Variants in SEC23A observed in about 807,000 individuals in gnomAD.
SEC23A encodes the protein SEC23 homolog A, COPII component, also known as protein transport protein Sec23A.
In SEC23A, 56 loss-of-function variants were observed where a neutral mutation model predicts 103.7. That is an observed-to-expected ratio of 0.54 (90% CI 0.44 to 0.67). The LOEUF (loss-of-function observed/expected upper bound fraction) is 0.67. Ranked by LOEUF, SEC23A falls within the 30% of genes least tolerant of loss-of-function variation. SEC23A has a pLI of 0.00. For synonymous variants in SEC23A, 281 were observed against 293.0 expected, an observed-to-expected ratio of 0.96 and a Z score of 0.42; for missense variants, 784 against 936.4, an observed-to-expected ratio of 0.84 and a Z score of 2.12.
intron 5 of SEC23A, among the ~76,000 whole-genome samples, chr14:39,089,089 G>A (rs776546050): frequency 4.0e-5 from 6 of 148,648 alleles, no homozygotes; most frequent in Non-Finnish European, 5.9e-5. Flanking sequence ...CAGGAGAATC[G>A]CTCGAACTAA....
rs1340169141 is a variant in SEC23A, at chr14:39,045,272, G to A, written c.1790C>T (p.Pro597Leu). ...GTGACGATAATATGAACTCTCATCA[G>A]GACTATTGTTAAAAACTTGCAGGAA... is the stretch of plus-strand genomic sequence containing the variant. ...SSFLQVFNNS[P>L]DESSYYRHHF... Residue 597 changes from proline (P) to leucine (L), a missense_variant, in exon 16 of 20, where the codon CCT becomes CTT. Physicochemically the swap from Pro to Leu is moderately conservative, Grantham distance 98. Coordinates refer to ENST00000307712, the MANE Select transcript of SEC23A (RefSeq NM_006364.4). 6.2e-7 allele frequency: 1 copy of A among 1,611,840 alleles called. No individual in the cohort carries two copies.
chr14:39,089,327 T>C (rs947298013), intron 5 of SEC23A, among the ~76,000 whole-genome samples: 13 of 152,198 alleles, frequency 8.5e-5, no homozygotes, highest in Admixed American at 6.5e-5. Flanking sequence ...GTACAATTCA[T>C]TTAATTCTCA....
intron 1 of SEC23A, among the ~76,000 whole-genome samples, chr14:39,101,761 TG>T (rs1381250702): frequency 6.6e-6 from 1 of 152,220 alleles, no homozygotes; most frequent in Non-Finnish European, 1.5e-5. Flanking sequence ...ATTTGTTAGT[TG>T]CCAATTAAAT....
chr14:39,076,251 T>C (rs1490753655), intron 7 of SEC23A, among the ~76,000 whole-genome samples, 158 bp from the exon 8 acceptor site: 2 of 152,176 alleles, frequency 1.3e-5, no homozygotes, highest in South Asian at 2.1e-4. Context: ...CAAAGGTATC[T>C]GAACAACTTT....
In SEC23A at chr14:39,100,936, C is replaced by T. The variant is rs527997247; in HGVS notation, c.-22+2096G>A. On this transcript the variant is annotated intron_variant, in intron 1 of 19. Transcript: ENST00000307712. ...TCGGCTCACTGCAACCTCCACCTCC[C>T]GGGTTCAGGCGATTCTCCCGCCTCA... is the stretch of plus-strand genomic sequence containing the variant. Among the ~76,000 whole-genome samples, 97 of 152,050 alleles carry T rather than the reference C, an allele frequency of 6.4e-4. 1 individual carries two copies. The highest frequency in any genetic ancestry group is 2.2e-3 in the African/African-American group (91 of 41,494).
chr14:39,059,090 T>C (rs1238433296), intron 13 of SEC23A, among the ~76,000 whole-genome samples: 1 of 152,086 alleles, frequency 6.6e-6, no homozygotes, highest in African/African-American at 2.4e-5. Flanking sequence ...TGTAAAAATC[T>C]GTCTTCTACA....
intron 7 of SEC23A, among the ~76,000 whole-genome samples, chr14:39,083,850 C>G (rs763476223): frequency 1.3e-5 from 2 of 151,940 alleles, no homozygotes; most frequent in Non-Finnish European, 2.9e-5. Context: ...CAGGCGTGAG[C>G]CAACACGCCA....
intron 13 of SEC23A, 124 bp downstream of exon 13, chr14:39,061,641 A>C (rs1886483133): frequency 5.6e-6 from 4 of 720,598 alleles, no homozygotes; most frequent in Non-Finnish European, 7.5e-6. Context: ...AAATAAATAA[A>C]ATACTATTAG....
chr14:39,083,464 C>G (rs912739380), intron 7 of SEC23A, among the ~76,000 whole-genome samples: 1 of 152,018 alleles, frequency 6.6e-6, no homozygotes, highest in Admixed American at 6.6e-5. Flanking sequence ...TCTCATGTCT[C>G]CCGAAAATTT....
At chr14:39,068,982 A>T (rs1185730607) in intron 9 of SEC23A, among the ~76,000 whole-genome samples, 1 of 152,216 alleles carries the variant, frequency 6.6e-6, no homozygotes. Context: ...CCAACTTCAC[A>T]TATTAATACC....
intron 13 of SEC23A, among the ~76,000 whole-genome samples, chr14:39,055,961 T>C (rs1185758190): frequency 6.6e-6 from 1 of 152,238 alleles, no homozygotes; most frequent in Non-Finnish European, 1.5e-5. Context: ...CTAGGCGCTA[T>C]AGCGAAGGTT....
At chr14:39,089,011 A>T (rs1170978971) in intron 5 of SEC23A, among the ~76,000 whole-genome samples, 1 of 151,600 alleles carries the variant, frequency 6.6e-6, no homozygotes, top group Non-Finnish European at 1.5e-5. Flanking sequence ...TACTAAAAAT[A>T]CAGAAAAAAA....
chr14:39,100,946 C>T (rs1241712332), intron 1 of SEC23A, among the ~76,000 whole-genome samples: 1 of 151,610 alleles, frequency 6.6e-6, no homozygotes, highest in Admixed American at 6.6e-5. Context: ...CGGGTTCAGG[C>T]GATTCTCCCG....
At chr14:39,090,983 C>A in intron 5 of SEC23A, 1 of 352,474 alleles carries the variant, frequency 2.8e-6, no homozygotes. Flanking sequence ...GGTGCTGCAC[C>A]TGCAGAAGGT....
intron 1 of SEC23A, among the ~76,000 whole-genome samples, chr14:39,100,786 A>T (rs923749748): frequency 1.3e-5 from 2 of 152,184 alleles, no homozygotes; most frequent in African/African-American, 4.8e-5. Flanking sequence ...TTTGCATAAA[A>T]GTATTAAACC....
intron 1 of SEC23A, among the ~76,000 whole-genome samples, chr14:39,096,935 C>T (rs982995200): frequency 1.6e-4 from 24 of 152,168 alleles, no homozygotes; most frequent in African/African-American, 5.3e-4. Flanking sequence ...GACACTTCTG[C>T]TTTGGACAGG....
chr14:39,055,393 A>G, intron 13 of SEC23A, 97 bp from the exon 14 acceptor site: 1 of 1,317,656 alleles, frequency 7.6e-7, no homozygotes, highest in Non-Finnish European at 1.1e-6. Context: ...AAGATAAAAG[A>G]TACAGAAACT....
At chr14:39,097,694 A>C (rs927239331) in intron 1 of SEC23A, among the ~76,000 whole-genome samples, 7 of 152,232 alleles carry the variant, frequency 4.6e-5, no homozygotes, top group Non-Finnish European at 5.9e-5. Context: ...AGAATCTTGG[A>C]GACAGCTAGA....
chr14:39,033,411 G>A (rs1885366399), intron 19 of SEC23A, 83 bp from the exon 20 acceptor site: 42 of 768,576 alleles, frequency 5.5e-5, no homozygotes, highest in South Asian at 4.9e-4. Flanking sequence ...AATAGACAAG[G>A]AAATCATTTG....
Sources: gnomAD v4.1 joint callset for allele counts (sites outside exome capture counted in the v4.1 genomes callset) on GRCh38, gnomAD v4.1.1 for gene constraint, MANE v1.5 for transcripts, NCBI Gene and HGNC (gene_info 2026-07-23, HGNC 2026-07-21) for gene names.